Variants in SRGAP2C observed in about 807,000 individuals in gnomAD.
SRGAP2C encodes the protein SLIT-ROBO Rho GTPase-activating protein 2C.
A neutral mutation model predicts 25.1 loss-of-function variants in SRGAP2C; 15 were observed. The observed-to-expected ratio is 0.60, with a 90% CI of 0.40 to 0.92. The LOEUF (loss-of-function observed/expected upper bound fraction) is 0.92. Among genes scored for constraint, SRGAP2C ranks in the 40% least tolerant of loss-of-function variants. SRGAP2C has a pLI of 0.00. For missense variants in SRGAP2C, 144 were observed against 264.4 expected (o/e 0.54, Z 3.16); for synonymous variants, 44 against 96.6 (o/e 0.46, Z 3.19).
At chr1:121,270,356 C>T (rs1441380551) in intron 2 of SRGAP2C, among the ~76,000 whole-genome samples, 1 of 150,572 alleles carries the variant, frequency 6.6e-6, no homozygotes, top group African/African-American at 2.4e-5. Flanking sequence ...TGTTAGCAAT[C>T]CATTGATTCT....
intron 2 of SRGAP2C, among the ~76,000 whole-genome samples, chr1:121,265,557 A>AT (rs1553334153): frequency 1.6e-5 from 2 of 122,872 alleles, no homozygotes; most frequent in Non-Finnish European, 3.4e-5. Context: ...TTGCTAACAC[A>AT]TTTTTTAAAA....
rs1320750561 is a variant in SRGAP2C, at chr1:121,288,600, C to T, written c.260+3605C>T. On this transcript the variant is annotated intron_variant, in intron 3 of 9. Transcript: ENST00000367123. The stretch of plus-strand genomic sequence containing the variant: ...ACCAGAGCAGCTAGATACAGAGTGT[C>T]GATTGGTGCACTTACAAACCTTGAG... 9.3e-5 allele frequency among the ~76,000 whole-genome samples: 7 copies of T among 75,494 alleles called. 2 individuals are homozygous for T. The highest frequency in any genetic ancestry group is 2.9e-4 in the African/African-American group (5 of 16,984). 49.5% of individuals were successfully genotyped at this position (75,494 alleles called of 152,430 possible).
At chr1:121,321,212 C>T (rs1553341103) in intron 3 of SRGAP2C, among the ~76,000 whole-genome samples, 2 of 139,790 alleles carry the variant, frequency 1.4e-5, no homozygotes, top group African/African-American at 5.5e-5. Context: ...GTGAGGGTTG[C>T]TCATTTGAAT....
At chr1:121,190,538 ACTT>A (rs1193496286) in intron 2 of SRGAP2C, among the ~76,000 whole-genome samples, 1 of 105,012 alleles carries the variant, frequency 9.5e-6, no homozygotes, top group African/African-American at 3.6e-5. Flanking sequence ...GGTACGGTCT[ACTT>A]CTCTGTGAGC....
intron 3 of SRGAP2C, among the ~76,000 whole-genome samples, chr1:121,308,713 C>A (rs1657907831): frequency 6.6e-6 from 1 of 150,992 alleles, no homozygotes; most frequent in Admixed American, 6.6e-5. Flanking sequence ...CCAATGTGGA[C>A]AGATCACCTG....
intron 3 of SRGAP2C, among the ~76,000 whole-genome samples, chr1:121,296,607 A>G (rs1279980994): frequency 5.3e-5 from 1 of 19,034 alleles, no homozygotes; most frequent in African/African-American, 2.4e-4. Flanking sequence ...GTGAGGGAGC[A>G]GGGCCTAGGT....
At chr1:121,191,079 A>G in intron 2 of SRGAP2C, among the ~76,000 whole-genome samples, 1 of 152,324 alleles carries the variant, frequency 6.6e-6, no homozygotes, top group Non-Finnish European at 1.5e-5. Flanking sequence ...TGGAAAGTTC[A>G]TGCCTCTCAA....
chr1:121,270,987 C>T lies in SRGAP2C; in HGVS notation c.68-13816C>T, dbSNP rs1337378588. On this transcript the variant is annotated intron_variant, in intron 2 of 9. Transcript: ENST00000367123. ...TTTTTGTATTTTTTTTTAGTAGAGA[C>T]GGGGTTTCACTGTGTTAGCCAGGAT... Among the ~76,000 whole-genome samples, 28 of 151,258 alleles carry T rather than the reference C, an allele frequency of 1.9e-4. 1 individual carries two copies. Among genetic ancestry groups the T allele is most frequent in the Non-Finnish European group, 3.4e-4 (23 of 67,672 alleles).
chr1:121,285,400 T>TCACA (rs1206046698), intron 3 of SRGAP2C, among the ~76,000 whole-genome samples: 23 of 64,448 alleles, frequency 3.6e-4, no homozygotes, highest in East Asian at 7.6e-4. Flanking sequence ...TGTCTCTCTC[T>TCACA]CTCTCACACA....
intron 7 of SRGAP2C, among the ~76,000 whole-genome samples, chr1:121,377,019 C>A (rs1553353442): frequency 6.6e-6 from 1 of 151,184 alleles, no homozygotes; most frequent in African/African-American, 2.4e-5. Flanking sequence ...CAGCCACAAC[C>A]TTTGCAATCC....
chr1:121,234,860 T>C (rs1210403068), intron 2 of SRGAP2C, among the ~76,000 whole-genome samples: 1 of 150,436 alleles, frequency 6.6e-6, no homozygotes, highest in Non-Finnish European at 1.5e-5. Flanking sequence ...CCTTCTGCCA[T>C]GGGATGATGC....
chr1:121,206,254 AGGGTGGACAGTGGGCAGC>A, intron 2 of SRGAP2C, among the ~76,000 whole-genome samples: 2 of 151,602 alleles, frequency 1.3e-5, no homozygotes, highest in Non-Finnish European at 2.9e-5. Context: ...GAGTTCTTTG[AGGGTGGACAGTGGGCAGC>A]CTGTCATTTC....
chr1:121,272,882 C>T (rs1210385031), intron 2 of SRGAP2C, among the ~76,000 whole-genome samples: 1 of 151,444 alleles, frequency 6.6e-6, no homozygotes, highest in Non-Finnish European at 1.5e-5. Flanking sequence ...TACTAGGCAT[C>T]AGGCATGTAG....
chr1:121,258,430 T>C (rs1553332886), intron 2 of SRGAP2C, among the ~76,000 whole-genome samples: 1 of 147,004 alleles, frequency 6.8e-6, no homozygotes, highest in Non-Finnish European at 1.5e-5. Context: ...AGCTGTTGGC[T>C]TTTAGGATAC....
chr1:121,315,375 G>T (rs1414288082), intron 3 of SRGAP2C, among the ~76,000 whole-genome samples: 7 of 142,936 alleles, frequency 4.9e-5, no homozygotes, highest in Admixed American at 3.5e-4. Flanking sequence ...CTTGCCCAAA[G>T]TTATCTGGCT....
chr1:121,191,914 T>A (rs1339986736), intron 2 of SRGAP2C, among the ~76,000 whole-genome samples: 1 of 149,842 alleles, frequency 6.7e-6, no homozygotes, highest in Non-Finnish European at 1.5e-5. Flanking sequence ...TTTTTTTTTT[T>A]AATGTCTTAA....
At chr1:121,302,306 T>G (rs1481955855) in intron 3 of SRGAP2C, among the ~76,000 whole-genome samples, 24 of 152,278 alleles carry the variant, frequency 1.6e-4, no homozygotes, top group Non-Finnish European at 2.2e-4. Flanking sequence ...GAATGCAATC[T>G]GTAAACAGTT....
intron 4 of SRGAP2C, among the ~76,000 whole-genome samples, chr1:121,329,639 A>G (rs1425810744): frequency 7.0e-6 from 1 of 141,956 alleles, no homozygotes; most frequent in Admixed American, 7.1e-5. Context: ...TAATTTAGCT[A>G]ATTTAGGGAT....
chr1:121,347,723 G>A (rs1658783303), intron 4 of SRGAP2C, among the ~76,000 whole-genome samples: 2 of 152,170 alleles, frequency 1.3e-5, no homozygotes, highest in South Asian at 2.1e-4. Flanking sequence ...GGAGAGAAAG[G>A]CACAGTGACA....
Sources: gnomAD v4.1 joint callset for allele counts (sites outside exome capture counted in the v4.1 genomes callset) on GRCh38, gnomAD v4.1.1 for gene constraint, MANE v1.5 for transcripts, NCBI Gene and HGNC (gene_info 2026-07-23, HGNC 2026-07-21) for gene names.